Variants in FOXN4 observed in about 807,000 individuals in gnomAD.
The protein encoded by FOXN4 is forkhead box protein N4.
In FOXN4, 12 loss-of-function variants were observed where a neutral mutation model predicts 45.0. The observed-to-expected ratio is 0.27, with a 90% confidence interval of 0.17 to 0.43. The LOEUF is 0.43. Among genes scored for constraint, FOXN4 ranks in the 20% least tolerant of loss-of-function variants. The pLI is 1.00. For synonymous variants in FOXN4, 297 were observed against 295.0 expected (o/e 1.01, Z -0.07); for missense variants, 560 against 694.9 (o/e 0.81, Z 2.18).
Position 109,290,280 on chromosome 12 carries a change from T to C in FOXN4, c.93A>G (p.Leu31=). 6.5e-7 allele frequency: 1 copy of C among 1,547,688 alleles called. No homozygotes were observed. The highest frequency in any genetic ancestry group is 8.7e-7 in the Non-Finnish European group (1 of 1,144,902). Residue 31 remains leucine, a synonymous_variant, in exon 3 of 10, where the codon CTA becomes CTG. Transcript: ENST00000299162. The surrounding 1 kb of genome is among the most constrained non-coding windows in gnomAD (Gnocchi z 5.1). ...GAAGGTCATCATCGCTGGTGGTGGC[T>C]AGAAGCCTGCAAAGAGGAACAGAGA... ...HHPSPQEYRL[L]ATTSDDDLPG... is the part of the protein sequence containing the mutation.
chr12:109,287,633 G>C lies in FOXN4; in HGVS notation c.469-109C>G. The C allele has an allele frequency of 7.3e-7, 1 of 1,377,704 alleles. No homozygotes were observed. The highest frequency in any genetic ancestry group is 1.5e-5 in the South Asian group (1 of 65,990). The allele number at this position is 1,377,704 out of a possible 1,614,324, so 85.3% of individuals were successfully genotyped here. A position where few individuals can be genotyped will look rare whatever the true frequency, so the allele number is the denominator to read the frequency against. ...CCCCACCCCAGTTTCAAAACACCTT[G>C]TGTGGGGATTCACAACCGTCCAGGA... On this transcript the variant is annotated intron_variant, in intron 5 of 9. Coordinates refer to ENST00000299162, the MANE Select transcript of FOXN4 (RefSeq NM_213596.3). This position sits in a 1 kb window ranked among gnomAD's most constrained non-coding sequence, Gnocchi z 4.1.
Position 109,286,638 on chromosome 12 carries a change from T to C in FOXN4, c.693+10A>G, listed in dbSNP as rs1266104943. ...CAGCTCCAGCACCCCTACCCTAGCT[T>C]GGGACTCACCTTGAAGTAGGGGAAG... On this transcript the variant is annotated intron_variant, in intron 7 of 9. Transcript: ENST00000299162. 2 of 1,604,386 alleles carry C rather than the reference T, an allele frequency of 1.2e-6. No homozygotes were observed. Among genetic ancestry groups the C allele is most frequent in the Non-Finnish European group, 1.7e-6 (2 of 1,177,086 alleles).
At chr12:109,283,676 A>G (rs901233333) in intron 8 of FOXN4, among the ~76,000 whole-genome samples, 1 of 152,128 alleles carries the variant, frequency 6.6e-6, no homozygotes, top group Non-Finnish European at 1.5e-5. Flanking sequence ...GGGTTTCACC[A>G]TGTTGGCCAG....
chr12:109,306,777 C>A (rs2136952225), intron 2 of FOXN4, among the ~76,000 whole-genome samples: 1 of 152,330 alleles, frequency 6.6e-6, no homozygotes, highest in South Asian at 2.1e-4. Flanking sequence ...GAAGCTGAGG[C>A]TCAGAGAGCT....
chr12:109,278,079 C>T lies in FOXN4; in HGVS notation c.*1592G>A, dbSNP rs1040870888. 1.3e-5 allele frequency: 2 copies of T among 152,220 alleles called. No homozygotes were observed. Among genetic ancestry groups the T allele is most frequent in the African/African-American group, 4.8e-5 (2 of 41,428 alleles). The allele number at this position is 152,220 out of a possible 1,614,324, so 9.4% of individuals were successfully genotyped here. A position where few individuals can be genotyped will look rare whatever the true frequency, so the allele number is the denominator to read the frequency against. ...TCTTTGTGAATAACAGTTTCAACAT[C>T]TTATCAGGGGTCATGTTACACAAAG... On this transcript the variant is annotated 3_prime_UTR_variant, in exon 10 of 10. Coordinates refer to ENST00000299162, the MANE Select transcript of FOXN4 (RefSeq NM_213596.3).
intron 2 of FOXN4, among the ~76,000 whole-genome samples, chr12:109,296,050 C>A (rs1438439372): frequency 6.6e-6 from 1 of 152,226 alleles, no homozygotes; most frequent in African/African-American, 2.4e-5. Context: ...CTCTCCTCTT[C>A]CCCTTTCTCT....
At position 109,281,802 on chromosome 12, in the gene FOXN4, G is replaced by A. The variant is rs2047655987; in HGVS notation, c.902-3C>T. ...GGAGATCAGCTTGTCCAACTCCTCT[G>A]CAGGCAAGTGGGAGAGGTCACTCAG... On this transcript the variant is annotated splice_polypyrimidine_tract_variant and splice_region_variant and intron_variant, in intron 8 of 9. Transcript: ENST00000299162. 2 of 1,562,440 alleles carry A rather than the reference G, an allele frequency of 1.3e-6. No homozygotes were observed. The highest frequency in any genetic ancestry group is 1.7e-6 in the Non-Finnish European group (2 of 1,157,814).
chr12:109,280,072 G>A (rs577043875), intron 9 of FOXN4, 142 bp from the exon 10 acceptor site: 2 of 1,217,288 alleles, frequency 1.6e-6, no homozygotes, highest in Non-Finnish European at 1.1e-6. Flanking sequence ...GCCGGGCCTG[G>A]TGGCTCAAGC....
At chr12:109,286,517 T>C (rs924663310) in intron 7 of FOXN4, 131 bp downstream of exon 7, 2 of 819,006 alleles carry the variant, frequency 2.4e-6, no homozygotes, top group Non-Finnish European at 3.9e-6. Flanking sequence ...TGTGTGCACA[T>C]GTCCTAACCA....
chr12:109,302,432 A>G (rs943050030), intron 2 of FOXN4, among the ~76,000 whole-genome samples: 1 of 152,188 alleles, frequency 6.6e-6, no homozygotes, highest in African/African-American at 2.4e-5. Flanking sequence ...TTGATACAGC[A>G]ATTGTACAGA....
intron 2 of FOXN4, among the ~76,000 whole-genome samples, chr12:109,296,335 T>C (rs574675124): frequency 3.3e-5 from 5 of 152,232 alleles, no homozygotes; most frequent in Admixed American, 1.3e-4. Flanking sequence ...CAAGCCTCCG[T>C]TGCACTAAAG....
In FOXN4 at chr12:109,290,955, C is replaced by A. The variant is rs2047761564; in HGVS notation, c.87-669G>T. ...GTGAGATGTAGGGTGGGCCCATACT[C>A]CCCTCGTACAGATGAGAAAACTGAG... On this transcript the variant is annotated intron_variant, in intron 2 of 9. Transcript: ENST00000299162. The surrounding 1 kb of genome is among the most constrained non-coding windows in gnomAD (Gnocchi z 5.1). Among the ~76,000 whole-genome samples the A allele has an allele frequency of 6.6e-6, 1 of 152,164 alleles. No individual in the cohort carries two copies. Among genetic ancestry groups the A allele is most frequent in the East Asian group, 1.9e-4 (1 of 5,190 alleles).
intron 2 of FOXN4, among the ~76,000 whole-genome samples, chr12:109,294,839 G>GC (rs892526377): frequency 6.6e-6 from 1 of 151,702 alleles, no homozygotes; most frequent in Non-Finnish European, 1.5e-5. Flanking sequence ...GGCATGTGAA[G>GC]CCCCCTCCAC....
At chr12:109,289,655 T>C (rs2047747474) in intron 3 of FOXN4, among the ~76,000 whole-genome samples, 1 of 152,188 alleles carries the variant, frequency 6.6e-6, no homozygotes, top group South Asian at 2.1e-4. Flanking sequence ...GCCCCTACAC[T>C]CAGCACTTTC....
intron 8 of FOXN4, among the ~76,000 whole-genome samples, chr12:109,284,569 G>A (rs983441531): frequency 1.3e-5 from 2 of 150,880 alleles, no homozygotes; most frequent in Non-Finnish European, 3.0e-5. Context: ...GTGTGTGTGC[G>A]TGCGTGTGTG....
intron 8 of FOXN4, among the ~76,000 whole-genome samples, chr12:109,282,374 G>A (rs544539684): frequency 3.3e-5 from 5 of 152,246 alleles, no homozygotes; most frequent in African/African-American, 1.2e-4. Context: ...CTTGAGCCCA[G>A]GAGGTTGAGG....
chr12:109,284,546 TGTGTGTGCGCAC>T (rs1240021273), intron 8 of FOXN4, among the ~76,000 whole-genome samples: 2 of 151,660 alleles, frequency 1.3e-5, no homozygotes, highest in African/African-American at 2.4e-5. Context: ...CTCTTCCACT[TGTGTGTGCGCAC>T]GTGTGTGTGC....
chr12:109,293,646 C>T (rs750099455), intron 2 of FOXN4, among the ~76,000 whole-genome samples: 11 of 152,186 alleles, frequency 7.2e-5, no homozygotes, highest in African/African-American at 7.2e-5. Flanking sequence ...TACAGGCACG[C>T]GCCACCACGC....
At chr12:109,302,716 A>G (rs551635767) in intron 2 of FOXN4, among the ~76,000 whole-genome samples, 3 of 152,214 alleles carry the variant, frequency 2.0e-5, no homozygotes, top group Admixed American at 2.0e-4. Flanking sequence ...GGTCTGCCTG[A>G]CAAATATTGC....
Sources: gnomAD v4.1 joint callset for allele counts (sites outside exome capture counted in the v4.1 genomes callset) on GRCh38, gnomAD v4.1.1 for gene constraint, Gnocchi (gnomAD v3.1) non-coding constraint, MANE v1.5 for transcripts, NCBI Gene and HGNC (gene_info 2026-07-23, HGNC 2026-07-21) for gene names.